Variants in KATNAL2 observed in about 807,000 individuals in gnomAD.
KATNAL2 encodes the protein katanin p60 ATPase-containing subunit A-like 2.
A neutral mutation model predicts 76.3 loss-of-function variants in KATNAL2; 52 were observed. The observed-to-expected ratio is 0.68, with a 90% confidence interval of 0.55 to 0.86. The LOEUF (loss-of-function observed/expected upper bound fraction) is 0.86. Among genes scored for constraint, KATNAL2 ranks in the 40% least tolerant of loss-of-function variants. The probability of loss-of-function intolerance (pLI) is 0.00; values close to 1 mark genes in which losing one functional copy is unlikely to be tolerated. For missense variants in KATNAL2, 660 were observed against 668.9 expected (o/e 0.99, Z 0.15); for synonymous variants, 243 against 244.2 (o/e 1.00, Z 0.05).
intron 3 of KATNAL2, chr18:47,035,398 G>A: frequency 1.3e-6 from 2 of 1,503,568 alleles, no homozygotes; most frequent in East Asian, 2.4e-5. Context: ...TGGAGTCACA[G>A]CCTGGAGCGA....
intron 1 of KATNAL2, among the ~76,000 whole-genome samples, chr18:46,941,815 C>T (rs943036235): frequency 2.0e-5 from 3 of 152,070 alleles, no homozygotes; most frequent in Non-Finnish European, 2.9e-5. Flanking sequence ...GAATAGCACT[C>T]GAATATAAAA....
At chr18:47,098,926 T>C (rs2063360503) in intron 15 of KATNAL2, 1 of 223,464 alleles carries the variant, frequency 4.5e-6, no homozygotes. Flanking sequence ...CCAAATTAAG[T>C]CGCATAAAAT....
intron 13 of KATNAL2, among the ~76,000 whole-genome samples, chr18:47,074,807 T>C (rs1309012128): frequency 6.6e-6 from 1 of 152,208 alleles, no homozygotes; most frequent in Non-Finnish European, 1.5e-5. Context: ...GTCAGCCTTG[T>C]TACCCATGAT....
At chr18:46,955,140 C>CTCTCTTTCTCTTTCTTTCTTTCTT (rs1555834717) in intron 3 of KATNAL2, among the ~76,000 whole-genome samples, 1 of 85,020 alleles carries the variant, frequency 1.2e-5, no homozygotes, top group Admixed American at 1.4e-4. Flanking sequence ...CTTTCTCTCT[C>CTCTCTTTCTCTTTCTTTCTTTCTT]TCTTTCTTTC....
intron 1 of KATNAL2, among the ~76,000 whole-genome samples, chr18:46,929,584 T>G (rs1311190841): frequency 6.6e-6 from 1 of 152,112 alleles, no homozygotes; most frequent in African/African-American, 2.4e-5. Flanking sequence ...TTCTATTGTA[T>G]GAATAGACCC....
intron 1 of KATNAL2, among the ~76,000 whole-genome samples, chr18:46,939,599 A>G (rs748178021): frequency 8.5e-5 from 13 of 152,274 alleles, no homozygotes; most frequent in Middle Eastern, 6.8e-3. Context: ...AGACCTATTC[A>G]TATCTGAGAT....
At chr18:46,942,486 T>A (rs1460828170) in intron 1 of KATNAL2, among the ~76,000 whole-genome samples, 1 of 152,084 alleles carries the variant, frequency 6.6e-6, no homozygotes, top group East Asian at 1.9e-4. Context: ...TGGTGGTGCG[T>A]GCCTGTAATC....
At chr18:47,033,028 T>G in intron 3 of KATNAL2, 2 of 1,614,166 alleles carry the variant, frequency 1.2e-6, no homozygotes, top group South Asian at 2.2e-5. Flanking sequence ...TCTTCTCTTG[T>G]AGTCTCGAAT....
chr18:46,918,983 ATG>A (rs1006551301), intron 1 of KATNAL2, among the ~76,000 whole-genome samples: 2 of 145,666 alleles, frequency 1.4e-5, no homozygotes, highest in African/African-American at 5.2e-5. Flanking sequence ...TTTGATATAT[ATG>A]TGTGTGCGTG....
intron 3 of KATNAL2, among the ~76,000 whole-genome samples, chr18:47,041,640 T>C (rs1182831072): frequency 6.6e-6 from 1 of 152,224 alleles, no homozygotes; most frequent in Non-Finnish European, 1.5e-5. Context: ...TTTTGGCAAT[T>C]ATGAATAAAG....
chr18:47,095,192 T>C (rs1373142885), intron 15 of KATNAL2, among the ~76,000 whole-genome samples: 4 of 152,186 alleles, frequency 2.6e-5, no homozygotes, highest in Non-Finnish European at 5.9e-5. Flanking sequence ...CTTTCAGTGG[T>C]GTTTAGTAGG....
At position 47,063,009 on chromosome 18, in the gene KATNAL2, C is replaced by T. The variant is rs111633829; in HGVS notation, c.587C>T (p.Ala196Val). The T allele has an allele frequency of 5.5e-5, 89 of 1,614,114 alleles. No homozygotes were observed. In the African/African-American group the frequency reaches 1.1e-3, roughly 19 times the overall value. The change falls in exon 9 of 18, where the codon GCC (alanine) becomes GTC (valine). Residue 196 changes from alanine (A) to valine (V), a missense_variant. Transcript: ENST00000683218. ...IIDFQGLLTD[A>V]IKGATSELAL... ...GACTTCCAAGGGCTGCTCACAGATG[C>T]CATCAAGGGAGCAACCAGTGAACTT... is the stretch of plus-strand genomic sequence containing the variant.
chr18:47,051,774 A>G (rs1411210692), intron 4 of KATNAL2, among the ~76,000 whole-genome samples: 2 of 152,176 alleles, frequency 1.3e-5, no homozygotes, highest in Non-Finnish European at 2.9e-5. Flanking sequence ...TTCTTTTAAG[A>G]AAGTTCAGGC....
At chr18:46,960,110 A>C (rs1256490756) in intron 3 of KATNAL2, among the ~76,000 whole-genome samples, 1 of 152,130 alleles carries the variant, frequency 6.6e-6, no homozygotes, top group East Asian at 1.9e-4. Flanking sequence ...TCTATTTGGA[A>C]GCAATAACTA....
In KATNAL2 at chr18:47,034,642, C is replaced by A. The variant is rs1393611971; in HGVS notation, c.52-11815C>A. 6.2e-7 allele frequency: 1 copy of A among 1,613,900 alleles called. No individual in the cohort carries two copies. The highest frequency in any genetic ancestry group is 8.5e-7 in the Non-Finnish European group (1 of 1,179,978). ...CTGGGGTTGGCCCTGGCAGCCTGGA[C>A]ACAGCAGAGGCCCGCCCTGAGCCGC... On this transcript the variant is annotated intron_variant, in intron 3 of 17. Transcript: ENST00000683218.
chr18:47,025,601 C>T (rs2060287829), intron 3 of KATNAL2, among the ~76,000 whole-genome samples: 1 of 151,312 alleles, frequency 6.6e-6, no homozygotes, highest in East Asian at 2.0e-4. Context: ...AATGGGGATT[C>T]GGGTGTTAAG....
chr18:46,948,888 T>TTGTGTGTG (rs71264810), intron 3 of KATNAL2, among the ~76,000 whole-genome samples: 50,829 of 145,568 alleles, frequency 0.35, 8,749 homozygotes, highest in Middle Eastern at 0.43. Flanking sequence ...AGTATCTGCA[T>TTGTGTGTG]TGTGTGTGTG....
rs1002430812 is a variant in KATNAL2 at position 46,959,280 on chromosome 18, G to A, written c.51+12357G>A. On this transcript the variant is annotated intron_variant, in intron 3 of 17. Coordinates refer to ENST00000683218, the MANE Select transcript of KATNAL2 (RefSeq NM_001387690.1). ...TCTTACGTTTTAAGTGCTCTGTTCC[G>A]CTCATATACAAGGAAGATTAACCCC... Among the ~76,000 whole-genome samples, 5 of 152,126 alleles carry A rather than the reference G, an allele frequency of 3.3e-5. No homozygotes were observed. The East Asian group carries it at 5.8e-4, about 18-fold the overall frequency.
intron 15 of KATNAL2, among the ~76,000 whole-genome samples, chr18:47,088,229 A>T (rs550118230): frequency 6.6e-6 from 1 of 152,294 alleles, no homozygotes; most frequent in East Asian, 1.9e-4. Context: ...CCTGCATTCT[A>T]TTGGGATAGA....
Sources: allele counts gnomAD v4.1 joint callset (sites outside exome capture counted in the v4.1 genomes callset), GRCh38; gene constraint gnomAD v4.1.1; transcripts MANE v1.5; gene names NCBI Gene and HGNC (gene_info 2026-07-23, HGNC 2026-07-21).